Variants in C4BPA observed in about 807,000 individuals in gnomAD.
The protein encoded by C4BPA is C4b-binding protein alpha chain.
C4BPA carries 31 observed loss-of-function variants against 63.7 expected under a neutral mutation model. That is an observed-to-expected ratio of 0.49 (90% CI 0.37 to 0.66). The LOEUF (loss-of-function observed/expected upper bound fraction) is 0.66, where lower values mean the gene tolerates loss of function less well. C4BPA is among the 30% of genes least tolerant of loss of function. C4BPA has a pLI of 0.00. For missense variants in C4BPA, 572 were observed against 723.3 expected (o/e 0.79, Z 2.40); for synonymous variants, 259 against 254.7 (o/e 1.02, Z -0.16).
intron 2 of C4BPA, 148 bp downstream of exon 2, chr1:207,113,315 G>A: frequency 2.4e-6 from 2 of 831,190 alleles, no homozygotes; most frequent in Non-Finnish European, 3.7e-6. Context: ...CTAGAACTTA[G>A]GGAAATTTGC....
intron 1 of C4BPA, among the ~76,000 whole-genome samples, chr1:207,109,612 C>T (rs1448564626): frequency 6.6e-6 from 1 of 152,202 alleles, no homozygotes; most frequent in Non-Finnish European, 1.5e-5. Context: ...GCCACACTGT[C>T]CTCCTCTGTC....
chr1:207,108,925 G>C (rs1253976520), intron 1 of C4BPA, among the ~76,000 whole-genome samples: 2 of 152,158 alleles, frequency 1.3e-5, no homozygotes, highest in Non-Finnish European at 2.9e-5. Flanking sequence ...GTTTCACCAT[G>C]TTAGTCAGGC....
At position 207,123,940 on chromosome 1, in the gene C4BPA, A is replaced by G. The variant is rs1684973570; in HGVS notation, c.447A>G (p.Ser149=). ...TATTCAGATTTTTCTTAATTGGCTC[A>G]ACCACTAGTCGTTGTGAAGTCCAAG... ...SCSEGFFLIG[S]TTSRCEVQDR... is the part of the protein sequence containing the mutation. The change falls in exon 5 of 12, where the codon TCA becomes TCG. Residue 149 remains serine (S), a synonymous_variant. Coordinates refer to ENST00000367070, the MANE Select transcript of C4BPA (RefSeq NM_000715.4). 3 of 1,608,018 alleles carry G rather than the reference A, an allele frequency of 1.9e-6. No individual in the cohort carries two copies. The highest frequency in any genetic ancestry group is 1.7e-4 in the Middle Eastern group (1 of 6,050).
At chr1:207,138,417 A>G (rs1464091555) in intron 9 of C4BPA, among the ~76,000 whole-genome samples, 4 of 152,172 alleles carry the variant, frequency 2.6e-5, no homozygotes, top group Non-Finnish European at 4.4e-5. Flanking sequence ...TGATGACCCA[A>G]TGTTGGGAGC....
chr1:207,113,874 T>C (rs1684722857), intron 2 of C4BPA, among the ~76,000 whole-genome samples: 1 of 152,188 alleles, frequency 6.6e-6, no homozygotes, highest in Non-Finnish European at 1.5e-5. Flanking sequence ...CCTTTTATCA[T>C]TATTGTTTAT....
chr1:207,113,240 A>G, intron 2 of C4BPA, 73 bp downstream of exon 2: 1 of 1,499,700 alleles, frequency 6.7e-7, no homozygotes, highest in Non-Finnish European at 9.0e-7. Context: ...TTTAAGGCTA[A>G]AAAAAATGAT....
At chr1:207,119,722 G>A (rs1684882608) in intron 4 of C4BPA, among the ~76,000 whole-genome samples, 1 of 92,366 alleles carries the variant, frequency 1.1e-5, no homozygotes, top group Non-Finnish European at 2.7e-5. Context: ...GTAGGGGAAG[G>A]AAAGGGGTAA....
intron 11 of C4BPA, 75 bp from the exon 12 acceptor site, chr1:207,144,469 C>T: frequency 7.4e-7 from 1 of 1,349,862 alleles, no homozygotes; most frequent in Non-Finnish European, 1.0e-6. Context: ...TGTAGTCCTT[C>T]CACTGTCAGG....
At position 207,134,592 on chromosome 1, in the gene C4BPA, AG is replaced by A. The variant is rs778936723; in HGVS notation, c.1273+1del. ...TCCCCGAACACCATCATGTGGAGAC[AG>A]TAAGAGTTCATAGAATTATCTTATT... On this transcript the variant is annotated splice_donor_variant, in intron 9 of 11. Transcript: ENST00000367070. LOFTEE classifies it high-confidence loss of function. 1.9e-6 allele frequency: 3 copies of A among 1,602,486 alleles called. No homozygotes were observed. Among genetic ancestry groups the A allele is most frequent in the Non-Finnish European group, 2.6e-6 (3 of 1,172,594 alleles).
chr1:207,142,563 C>T (rs1196128072), intron 10 of C4BPA, among the ~76,000 whole-genome samples: 1 of 152,146 alleles, frequency 6.6e-6, no homozygotes, highest in African/African-American at 2.4e-5. Context: ...TATTTTTCCA[C>T]AACCTCTCCA....
At chr1:207,114,890 T>TA (rs1684750413) in intron 3 of C4BPA, 2 of 153,302 alleles carry the variant, frequency 1.3e-5, no homozygotes, top group African/African-American at 4.8e-5. Context: ...ATTCACTTTT[T>TA]AAAAAATTAT....
At chr1:207,127,437 C>T (rs1225036873) in intron 7 of C4BPA, 1 of 152,164 alleles carries the variant, frequency 6.6e-6, no homozygotes, top group Non-Finnish European at 1.5e-5. Context: ...ATTAACTCAA[C>T]AAATCCTCCC....
intron 7 of C4BPA, 34 bp downstream of exon 7, chr1:207,126,929 G>A (rs759170756): frequency 1.3e-6 from 2 of 1,537,700 alleles, no homozygotes; most frequent in Non-Finnish European, 1.8e-6. Context: ...TTCAATGTTT[G>A]GCATCTAAAG....
At chr1:207,112,854 G>A (rs912892398) in intron 1 of C4BPA, 147 bp from the exon 2 acceptor site, 3 of 655,696 alleles carry the variant, frequency 4.6e-6, no homozygotes, top group Admixed American at 6.9e-5. Flanking sequence ...GTCTTGTGCT[G>A]TAACATTTGT....
intron 9 of C4BPA, among the ~76,000 whole-genome samples, chr1:207,139,341 A>C (rs1685360001): frequency 6.6e-6 from 1 of 152,216 alleles, no homozygotes; most frequent in Non-Finnish European, 1.5e-5. Context: ...ATTTAATGGA[A>C]ATATCACAGG....
chr1:207,142,270 T>C (rs1457896241), intron 10 of C4BPA, among the ~76,000 whole-genome samples: 1 of 152,188 alleles, frequency 6.6e-6, no homozygotes, highest in Non-Finnish European at 1.5e-5. Flanking sequence ...TGTGGCTGCA[T>C]AGTATTCCAT....
intron 4 of C4BPA, among the ~76,000 whole-genome samples, chr1:207,121,208 A>G (rs1684915414): frequency 6.6e-6 from 1 of 152,130 alleles, no homozygotes; most frequent in Admixed American, 6.5e-5. Context: ...ATAATTTTAT[A>G]ATTATTTTAA....
chr1:207,130,912 C>G (rs1685145309), intron 7 of C4BPA, among the ~76,000 whole-genome samples: 1 of 152,090 alleles, frequency 6.6e-6, no homozygotes, highest in Non-Finnish European at 1.5e-5. Context: ...TACTAAAAAC[C>G]ATTGAATTGC....
Position 207,124,369 on chromosome 1 carries a change from A to G in C4BPA, c.706+3A>G, listed in dbSNP as rs1209481337. The G allele has an allele frequency of 3.1e-6, 5 of 1,597,918 alleles. No homozygotes were observed. Among genetic ancestry groups the G allele is most frequent in the East Asian group, 4.5e-5 (2 of 44,754 alleles). On this transcript the variant is annotated splice_donor_region_variant and intron_variant, in intron 6 of 11. Coordinates refer to ENST00000367070, the MANE Select transcript of C4BPA (RefSeq NM_000715.4). Reference sequence around the variant, plus strand: ...ACCAAGCCCTCCTACCTGTGAAAGTAAGTCATAATGATGAATTCTGCATCA... The same window carrying G: ...ACCAAGCCCTCCTACCTGTGAAAGTGAGTCATAATGATGAATTCTGCATCA...
Sources: allele counts gnomAD v4.1 joint callset (sites outside exome capture counted in the v4.1 genomes callset), GRCh38; gene constraint gnomAD v4.1.1; transcripts MANE v1.5; gene names NCBI Gene and HGNC (gene_info 2026-07-23, HGNC 2026-07-21).